PIP4K2A: variants seen among roughly 807,000 people sequenced by gnomAD.
PIP4K2A encodes phosphatidylinositol 5-phosphate 4-kinase type-2 alpha.
A neutral mutation model predicts 42.9 loss-of-function variants in PIP4K2A; 14 were observed. The observed-to-expected ratio is 0.33, with a 90% CI of 0.22 to 0.51. The LOEUF is 0.51. Ranked by LOEUF, PIP4K2A falls within the 20% of genes least tolerant of loss-of-function variation. The probability of loss-of-function intolerance (pLI) is 0.97; values close to 1 mark genes in which losing one functional copy is unlikely to be tolerated. For synonymous variants in PIP4K2A, 192 were observed against 192.2 expected (o/e 1.00, Z 0.01); for missense variants, 434 against 519.8 (o/e 0.83, Z 1.61).
At chr10:22,550,605 C>A in intron 7 of PIP4K2A, 54 bp downstream of exon 7, 1 of 990,994 alleles carries the variant, frequency 1.0e-6, no homozygotes, top group Non-Finnish European at 1.6e-6. Context: ...TCCTAAAACC[C>A]AACAGGGCTG....
At position 22,609,701 on chromosome 10, in the gene PIP4K2A, T is replaced by A; in HGVS notation, c.161A>T (p.His54Leu). Residue 54 changes from histidine (H) to leucine (L), a missense_variant, in exon 2 of 10, where the codon CAT becomes CTT. This residue lies in a region of PIP4K2A where 395 missense variants were observed against 444.5 expected (regional missense o/e 0.89). Coordinates refer to ENST00000376573, the MANE Select transcript of PIP4K2A (RefSeq NM_005028.5). ...CATCAACATAACAGGGATTTGAACA[T>A]GGCTCAGTTCATTGATCTGGAAAAA... ...GVNHSINELSHVQIPVMLMPD... is the reference protein window; with the variant it reads ...GVNHSINELSLVQIPVMLMPD... 2 of 1,602,730 alleles carry A rather than the reference T, an allele frequency of 1.2e-6. No homozygotes were observed. The highest frequency in any genetic ancestry group is 1.7e-6 in the Non-Finnish European group (2 of 1,170,740).
chr10:22,591,873 G>C (rs1032513857), intron 3 of PIP4K2A, 92 bp from the exon 4 acceptor site: 3 of 1,157,186 alleles, frequency 2.6e-6, no homozygotes, highest in Non-Finnish European at 3.5e-6. Flanking sequence ...TGTCATCATT[G>C]CAAGTTTTCA....
In PIP4K2A at chr10:22,547,243, T is replaced by C. The variant is rs114562548; in HGVS notation, c.792+3416A>G. ...TCAGCCCTGTTTAACGGTTATATCT[T>C]ACCACTTGTTAAAAATTATAATCCT... is the stretch of plus-strand genomic sequence containing the variant. On this transcript the variant is annotated intron_variant, in intron 7 of 9. Transcript: ENST00000376573. 3.4e-3 allele frequency among the ~76,000 whole-genome samples: 522 copies of C among 152,370 alleles called. 3 individuals are homozygous for C. Among genetic ancestry groups the C allele is most frequent in the African/African-American group, 0.012 (497 of 41,590 alleles).
intron 3 of PIP4K2A, among the ~76,000 whole-genome samples, chr10:22,601,159 A>AAAC (rs1837764119): frequency 7.9e-6 from 1 of 126,194 alleles, no homozygotes; most frequent in Non-Finnish European, 1.7e-5. Context: ...AAAAAAAAAA[A>AAAC]AAAACAAACC....
At chr10:22,627,225 T>C (rs1280330763) in intron 1 of PIP4K2A, among the ~76,000 whole-genome samples, 2 of 152,190 alleles carry the variant, frequency 1.3e-5, no homozygotes, top group East Asian at 3.8e-4. Context: ...CCAGATTTAA[T>C]CCAGGCAGTT....
intron 1 of PIP4K2A, among the ~76,000 whole-genome samples, chr10:22,657,164 T>A (rs1839117437): frequency 6.6e-6 from 1 of 152,208 alleles, no homozygotes; most frequent in African/African-American, 2.4e-5. Context: ...TTTGTAGCAC[T>A]CAGGCCACAA....
chr10:22,691,575 T>C (rs573865221), intron 1 of PIP4K2A: 3 of 152,346 alleles, frequency 2.0e-5, no homozygotes, highest in African/African-American at 7.2e-5. Flanking sequence ...TTGTGTAAAA[T>C]AGAAATACTT....
chr10:22,641,680 C>T (rs1231507677), intron 1 of PIP4K2A, among the ~76,000 whole-genome samples: 1 of 151,912 alleles, frequency 6.6e-6, no homozygotes, highest in Non-Finnish European at 1.5e-5. Flanking sequence ...AACTCCTGAC[C>T]TCAAGTGATC....
chr10:22,599,563 T>A (rs1588654283), intron 3 of PIP4K2A, among the ~76,000 whole-genome samples: 1 of 152,306 alleles, frequency 6.6e-6, no homozygotes, highest in East Asian at 1.9e-4. Flanking sequence ...AGTGGACACA[T>A]CACAGCCAAT....
chr10:22,691,325 A>G lies in PIP4K2A; in HGVS notation c.144+22858T>C, dbSNP rs1588709931. On this transcript the variant is annotated intron_variant, in intron 1 of 9. Coordinates refer to ENST00000376573, the MANE Select transcript of PIP4K2A (RefSeq NM_005028.5). ...TAAAAGGCCCGAAATGCTCATCCAT[A>G]TACCGGCCCTCTTTTCTTCAGACCT... Among the ~76,000 whole-genome samples, 3 of 152,224 alleles carry G rather than the reference A, an allele frequency of 2.0e-5. No individual in the cohort carries two copies. In the South Asian group the frequency reaches 6.2e-4, roughly 32 times the overall value.
chr10:22,535,013 A>T lies in PIP4K2A; in HGVS notation c.*2188T>A, dbSNP rs1394715749. 6.6e-6 allele frequency: 1 copy of T among 152,222 alleles called. No individual in the cohort carries two copies. The highest frequency in any genetic ancestry group is 1.5e-5 in the Non-Finnish European group (1 of 68,044). 9.4% of individuals were successfully genotyped at this position (152,222 alleles called of 1,614,324 possible). A position where few individuals can be genotyped will look rare whatever the true frequency, so the allele number is the denominator to read the frequency against. On this transcript the variant is annotated 3_prime_UTR_variant, in exon 10 of 10. Coordinates refer to ENST00000376573, the MANE Select transcript of PIP4K2A (RefSeq NM_005028.5). The stretch of plus-strand genomic sequence containing the variant: ...CTTTATTTGTAAAGCCCGGCTCATG[A>T]CTGGAGTGTATTGTTAGCACTAGGA...
At chr10:22,573,244 GACA>G in intron 5 of PIP4K2A, 64 bp downstream of exon 5, 1 of 1,402,678 alleles carries the variant, frequency 7.1e-7, no homozygotes, top group Non-Finnish European at 1.0e-6. Context: ...GATGATCAAT[GACA>G]ACATTTACAA....
At chr10:22,670,161 T>A (rs1387546233) in intron 1 of PIP4K2A, among the ~76,000 whole-genome samples, 3 of 152,198 alleles carry the variant, frequency 2.0e-5, no homozygotes, top group Non-Finnish European at 2.9e-5. Flanking sequence ...GGAGGGTCAC[T>A]TGAGCCCAGA....
rs191426577 is a variant in PIP4K2A, at chr10:22,692,833, G to A, written c.144+21350C>T. 7.3e-4 allele frequency among the ~76,000 whole-genome samples: 111 copies of A among 152,278 alleles called. 2 individuals are homozygous for A. The highest frequency in any genetic ancestry group is 7.1e-3 in the Admixed American group (109 of 15,290). On this transcript the variant is annotated intron_variant, in intron 1 of 9. Transcript: ENST00000376573. ...GAATCTTCTTTCAGTCAACAATGCAGAAAACATGTCCTTTAGGCACTCAAT... is the reference window on the plus strand; with the variant it reads ...GAATCTTCTTTCAGTCAACAATGCAAAAAACATGTCCTTTAGGCACTCAAT...
intron 1 of PIP4K2A, among the ~76,000 whole-genome samples, chr10:22,691,142 C>T (rs745997925): frequency 5.3e-5 from 8 of 152,192 alleles, no homozygotes; most frequent in Non-Finnish European, 1.2e-4. Flanking sequence ...CAAAGGTATG[C>T]ATGAACCACT....
chr10:22,598,415 A>G (rs1837680619), intron 3 of PIP4K2A, among the ~76,000 whole-genome samples: 1 of 152,252 alleles, frequency 6.6e-6, no homozygotes. Flanking sequence ...CAAAAGTGAC[A>G]GTAAGTTATT....
chr10:22,609,715 G>T lies in PIP4K2A; in HGVS notation c.147C>A (p.Ile49=). ...GGATTTGAACATGGCTCAGTTCATT[G>T]ATCTGGAAAAATATAAAATAAATAG... The part of the protein sequence containing the change: ...SVLMWGVNHS[I]NELSHVQIPV... The change falls in exon 2 of 10, where the codon ATC becomes ATA. Residue 49 remains isoleucine (I), a splice_region_variant and synonymous_variant. Coordinates refer to ENST00000376573, the MANE Select transcript of PIP4K2A (RefSeq NM_005028.5). 6.3e-7 allele frequency: 1 copy of T among 1,579,228 alleles called. No homozygotes were observed. The highest frequency in any genetic ancestry group is 8.7e-7 in the Non-Finnish European group (1 of 1,151,402).
chr10:22,690,185 T>C (rs1839836367), intron 1 of PIP4K2A, among the ~76,000 whole-genome samples: 1 of 152,118 alleles, frequency 6.6e-6, no homozygotes, highest in Admixed American at 6.5e-5. Flanking sequence ...AAAAACCCTA[T>C]TTTGGAGTAG....
At chr10:22,617,947 C>G (rs1467793801) in intron 1 of PIP4K2A, among the ~76,000 whole-genome samples, 1 of 152,104 alleles carries the variant, frequency 6.6e-6, no homozygotes, top group Admixed American at 6.6e-5. Context: ...CCAGAGCGAG[C>G]TAAGCACAAA....
Sources: gnomAD v4.1 joint callset for allele counts (sites outside exome capture counted in the v4.1 genomes callset) on GRCh38, gnomAD v4.1.1 for gene constraint, gnomAD v4.1.1 regional missense constraint, MANE v1.5 for transcripts, NCBI Gene and HGNC (gene_info 2026-07-23, HGNC 2026-07-21) for gene names.